Variants in SLC14A2 observed in about 807,000 individuals in gnomAD.
SLC14A2 encodes urea transporter 2.
SLC14A2 carries 91 observed loss-of-function variants against 104.6 expected under a neutral mutation model. The observed-to-expected ratio is 0.87, with a 90% CI of 0.73 to 1.04. The LOEUF (loss-of-function observed/expected upper bound fraction) is 1.04, where lower values mean the gene tolerates loss of function less well. Among genes scored for constraint, SLC14A2 ranks in the 50% least tolerant of loss-of-function variants. The pLI is 0.00. For synonymous variants in SLC14A2, 476 were observed against 466.4 expected (o/e 1.02, Z -0.27); for missense variants, 1,189 against 1,156.0 (o/e 1.03, Z -0.41).
chr18:45,508,474 T>G (rs560620746), intron 2 of SLC14A2, among the ~76,000 whole-genome samples: 2 of 152,258 alleles, frequency 1.3e-5, no homozygotes, highest in African/African-American at 4.8e-5. Flanking sequence ...ATGTGACATG[T>G]GCCTTTCACC....
intron 2 of SLC14A2, among the ~76,000 whole-genome samples, chr18:45,608,550 GA>G (rs1347924497): frequency 6.6e-6 from 1 of 152,182 alleles, no homozygotes; most frequent in Non-Finnish European, 1.5e-5. Context: ...CCTCCTTTTA[GA>G]AAACATATCT....
At chr18:45,666,434 C>T (rs1205756627) in intron 12 of SLC14A2, among the ~76,000 whole-genome samples, 1 of 152,142 alleles carries the variant, frequency 6.6e-6, no homozygotes, top group Non-Finnish European at 1.5e-5. Context: ...TATTATCAGG[C>T]TTCCTTTAAA....
chr18:45,428,956 A>T (rs1398015103), intron 1 of SLC14A2, among the ~76,000 whole-genome samples: 1 of 152,216 alleles, frequency 6.6e-6, no homozygotes, highest in African/African-American at 2.4e-5. Flanking sequence ...TCCTAAATGC[A>T]TGAAACCTCA....
At position 45,668,007 on chromosome 18, in the gene SLC14A2, T is replaced by G; in HGVS notation, c.1892T>G (p.Ile631Ser). ...GTIMSTLTALILSQDKSAIAA... is the reference protein window; with the variant it reads ...GTIMSTLTALSLSQDKSAIAA... ...ATCATGTCCACCTTGACAGCCCTCA[T>G]CCTGAGTCAGGACAAGTAAGTCCCA... The change falls in exon 14 of 20, where the codon ATC becomes AGC. Residue 631 changes from isoleucine to serine, a missense_variant. By Grantham distance (142) the Ile-to-Ser change is moderately radical. Transcript: ENST00000255226. 1 of 1,614,064 alleles carries G rather than the reference T, an allele frequency of 6.2e-7. No homozygotes were observed.
chr18:45,586,934 G>A (rs553586093), intron 2 of SLC14A2, among the ~76,000 whole-genome samples: 9 of 152,110 alleles, frequency 5.9e-5, no homozygotes, highest in African/African-American at 2.2e-4. Flanking sequence ...CATAGAATAT[G>A]CAGGAGTAAG....
chr18:45,215,530 A>G (rs2084002314), intron 1 of SLC14A2, among the ~76,000 whole-genome samples: 1 of 152,248 alleles, frequency 6.6e-6, no homozygotes, highest in South Asian at 2.1e-4. Context: ...TTGCTTCATC[A>G]CATCATAAGA....
At chr18:45,430,717 A>G (rs951785588) in intron 1 of SLC14A2, among the ~76,000 whole-genome samples, 3 of 152,108 alleles carry the variant, frequency 2.0e-5, no homozygotes, top group African/African-American at 7.2e-5. Flanking sequence ...CTGGGACTAC[A>G]GGCACCCACC....
chr18:45,425,766 A>G (rs1206050060), intron 1 of SLC14A2, among the ~76,000 whole-genome samples: 2 of 152,222 alleles, frequency 1.3e-5, no homozygotes, highest in Non-Finnish European at 2.9e-5. Flanking sequence ...TTTCTAGTTT[A>G]CACATATTCT....
At chr18:45,490,098 G>A (rs2087693525) in intron 2 of SLC14A2, among the ~76,000 whole-genome samples, 1 of 152,158 alleles carries the variant, frequency 6.6e-6, no homozygotes, top group Admixed American at 6.5e-5. Flanking sequence ...AATGAGGTAG[G>A]AGGGAAGCAT....
At chr18:45,501,990 A>G (rs1361933356) in intron 2 of SLC14A2, among the ~76,000 whole-genome samples, 1 of 152,164 alleles carries the variant, frequency 6.6e-6, no homozygotes, top group Non-Finnish European at 1.5e-5. Flanking sequence ...TGGATTCTAT[A>G]GTAAATGTTA....
At chr18:45,484,626 T>G (rs2087562909) in intron 2 of SLC14A2, among the ~76,000 whole-genome samples, 1 of 152,156 alleles carries the variant, frequency 6.6e-6, no homozygotes, top group Admixed American at 6.5e-5. Flanking sequence ...GATTCTAGGT[T>G]TCAAGGTTGT....
chr18:45,443,591 T>G (rs189227895), intron 1 of SLC14A2, among the ~76,000 whole-genome samples: 2 of 151,916 alleles, frequency 1.3e-5, no homozygotes, highest in Non-Finnish European at 2.9e-5. Context: ...GGGGGAAGAG[T>G]TAGAGTAATC....
intron 1 of SLC14A2, among the ~76,000 whole-genome samples, chr18:45,271,814 G>A (rs1197056653): frequency 2.0e-5 from 3 of 151,940 alleles, no homozygotes; most frequent in East Asian, 3.9e-4. Context: ...AATTTATATC[G>A]AACCGCAAAA....
chr18:45,407,521 C>G (rs1282048702), intron 1 of SLC14A2, among the ~76,000 whole-genome samples: 2 of 152,158 alleles, frequency 1.3e-5, no homozygotes, highest in East Asian at 1.9e-4. Flanking sequence ...TCTTTAATGT[C>G]CTTCAAGAAC....
At chr18:45,475,621 T>G (rs1192346945) in intron 1 of SLC14A2, among the ~76,000 whole-genome samples, 8 of 95,426 alleles carry the variant, frequency 8.4e-5, no homozygotes, top group African/African-American at 2.7e-4. Context: ...ATATTTAGGA[T>G]ATATATATAT....
At chr18:45,285,672 C>G (rs55979306) in intron 1 of SLC14A2, among the ~76,000 whole-genome samples, 8,146 of 143,252 alleles carry the variant, frequency 0.057, 451 homozygotes, top group South Asian at 0.11. Flanking sequence ...CCCCCCCCCC[C>G]CCTCGGCCTC....
chr18:45,341,853 G>A (rs1343026544), intron 1 of SLC14A2, among the ~76,000 whole-genome samples: 1 of 152,032 alleles, frequency 6.6e-6, no homozygotes, highest in Non-Finnish European at 1.5e-5. Context: ...CTCCCAAAGT[G>A]CTGGGATTAC....
chr18:45,382,651 C>T (rs973242388), intron 1 of SLC14A2, among the ~76,000 whole-genome samples: 6 of 152,290 alleles, frequency 3.9e-5, no homozygotes, highest in African/African-American at 1.4e-4. Flanking sequence ...TTATTAGTCC[C>T]TGAAATAGCT....
chr18:45,617,072 T>G (rs1438699576), intron 1 of SLC14A2, among the ~76,000 whole-genome samples: 1 of 152,136 alleles, frequency 6.6e-6, no homozygotes, highest in Non-Finnish European at 1.5e-5. Flanking sequence ...CACTCTAGCC[T>G]GGGCAACAGT....
Sources: gnomAD v4.1 joint callset for allele counts (sites outside exome capture counted in the v4.1 genomes callset) on GRCh38, gnomAD v4.1.1 for gene constraint, MANE v1.5 for transcripts, NCBI Gene and HGNC (gene_info 2026-07-23, HGNC 2026-07-21) for gene names.